The following CCSER1 variants were observed in gnomAD, a reference collection of about 807,000 sequenced individuals.
CCSER1 encodes the protein coiled-coil serine rich protein 1.
CCSER1 carries 41 observed loss-of-function variants against 82.0 expected under a neutral mutation model. That is an observed-to-expected ratio of 0.50 (90% CI 0.39 to 0.65). CCSER1 has a LOEUF of 0.65. Among genes scored for constraint, CCSER1 ranks in the 30% least tolerant of loss-of-function variants. The probability of loss-of-function intolerance (pLI) is 0.00; values close to 1 mark genes in which losing one functional copy is unlikely to be tolerated. For synonymous variants in CCSER1, 414 were observed against 383.9 expected, an observed-to-expected ratio of 1.08 and a Z score of -0.92; for missense variants, 1,119 against 1,064.2, an observed-to-expected ratio of 1.05 and a Z score of -0.72.
At chr4:90,898,216 T>A (rs1243230904) in intron 8 of CCSER1, among the ~76,000 whole-genome samples, 2 of 150,886 alleles carry the variant, frequency 1.3e-5, no homozygotes, top group Admixed American at 1.3e-4. Context: ...TTTCCTAGAT[T>A]TTCTTCTAGG....
chr4:91,058,324 G>C (rs185065095), intron 9 of CCSER1, among the ~76,000 whole-genome samples: 1 of 152,098 alleles, frequency 6.6e-6, no homozygotes, highest in Admixed American at 6.6e-5. Flanking sequence ...AAAACAACAA[G>C]ATAATGTTCT....
At chr4:91,260,738 A>C (rs1741047449) in intron 10 of CCSER1, among the ~76,000 whole-genome samples, 1 of 151,758 alleles carries the variant, frequency 6.6e-6, no homozygotes, top group Non-Finnish European at 1.5e-5. Flanking sequence ...TTACCTAGGA[A>C]GTTTTTTATT....
At chr4:90,596,201 CAT>C (rs572561615) in intron 5 of CCSER1, among the ~76,000 whole-genome samples, 19 of 151,928 alleles carry the variant, frequency 1.3e-4, no homozygotes, top group Middle Eastern at 3.4e-3. Context: ...ACACTAAAAA[CAT>C]GTGTTAAACT....
intron 10 of CCSER1, among the ~76,000 whole-genome samples, chr4:91,486,914 AT>A (rs1758253416): frequency 6.6e-6 from 1 of 152,086 alleles, no homozygotes; most frequent in Admixed American, 6.6e-5. Flanking sequence ...CCATTGTATA[AT>A]GTTAGTATAA....
At chr4:90,897,181 A>G (rs1723838828) in intron 8 of CCSER1, among the ~76,000 whole-genome samples, 1 of 151,802 alleles carries the variant, frequency 6.6e-6, no homozygotes, top group African/African-American at 2.4e-5. Flanking sequence ...GGTTTGTTAC[A>G]TGGGTATATT....
intron 10 of CCSER1, among the ~76,000 whole-genome samples, chr4:91,333,002 A>G (rs1224825118): frequency 6.6e-6 from 1 of 152,064 alleles, no homozygotes; most frequent in Non-Finnish European, 1.5e-5. Flanking sequence ...GAACAAACTT[A>G]ACTCTCATGG....
intron 10 of CCSER1, among the ~76,000 whole-genome samples, chr4:91,266,396 T>C (rs1439018341): frequency 6.6e-6 from 1 of 151,812 alleles, no homozygotes; most frequent in Non-Finnish European, 1.5e-5. Flanking sequence ...GGACTACAGG[T>C]GCCCGCCACC....
chr4:90,671,492 A>C (rs1023641620), intron 6 of CCSER1, among the ~76,000 whole-genome samples: 5 of 152,064 alleles, frequency 3.3e-5, no homozygotes, highest in African/African-American at 1.2e-4. Flanking sequence ...CTCCTCATCT[A>C]TTCAAGTTTT....
intron 10 of CCSER1, among the ~76,000 whole-genome samples, chr4:91,225,957 T>C (rs1028051030): frequency 6.6e-6 from 1 of 151,966 alleles, no homozygotes; most frequent in Non-Finnish European, 1.5e-5. Context: ...ATAAGGGAAG[T>C]AGAAATAATT....
At chr4:90,653,633 C>T (rs1307428294) in intron 6 of CCSER1, among the ~76,000 whole-genome samples, 1 of 151,976 alleles carries the variant, frequency 6.6e-6, no homozygotes, top group Non-Finnish European at 1.5e-5. Flanking sequence ...CCAGTAAATT[C>T]AGCCACCACC....
chr4:90,652,506 G>A (rs1728939641), intron 6 of CCSER1, among the ~76,000 whole-genome samples: 1 of 152,100 alleles, frequency 6.6e-6, no homozygotes, highest in Non-Finnish European at 1.5e-5. Context: ...ATGGCATTTT[G>A]ACATGCTGAA....
At chr4:90,743,777 GA>G (rs1746940502) in intron 7 of CCSER1, among the ~76,000 whole-genome samples, 1 of 152,086 alleles carries the variant, frequency 6.6e-6, no homozygotes, top group Non-Finnish European at 1.5e-5. Flanking sequence ...GAGCTAAGTG[GA>G]AAAATGGAGC....
intron 3 of CCSER1, among the ~76,000 whole-genome samples, chr4:90,322,061 C>T (rs1443031771): frequency 1.3e-5 from 2 of 152,030 alleles, no homozygotes; most frequent in South Asian, 4.1e-4. Context: ...TTTGCCAAGA[C>T]CAATGTCTTG....
chr4:90,307,783 G>A (rs1734581693), intron 1 of CCSER1, among the ~76,000 whole-genome samples: 1 of 152,226 alleles, frequency 6.6e-6, no homozygotes, highest in South Asian at 2.1e-4. Flanking sequence ...TGAGTCGTGT[G>A]GTGTAAAATG....
intron 10 of CCSER1, among the ~76,000 whole-genome samples, chr4:91,310,421 A>G (rs1490183233): frequency 6.6e-6 from 1 of 151,068 alleles, no homozygotes; most frequent in Non-Finnish European, 1.5e-5. Context: ...AAAATCTCAT[A>G]ATGTTTTAAG....
At chr4:91,208,883 T>C (rs1038899301) in intron 10 of CCSER1, among the ~76,000 whole-genome samples, 2 of 152,024 alleles carry the variant, frequency 1.3e-5, no homozygotes, top group African/African-American at 4.8e-5. Context: ...TCATCTCTGA[T>C]TTCTTTGAGC....
intron 6 of CCSER1, among the ~76,000 whole-genome samples, chr4:90,649,951 A>C (rs780075427): frequency 2.0e-5 from 3 of 152,030 alleles, no homozygotes; most frequent in Non-Finnish European, 4.4e-5. Flanking sequence ...CTAAACAAAA[A>C]TTAGCCTGTA....
intron 7 of CCSER1, among the ~76,000 whole-genome samples, chr4:90,786,498 A>C (rs904051956): frequency 3.5e-5 from 4 of 114,114 alleles, no homozygotes; most frequent in Non-Finnish European, 7.4e-5. Flanking sequence ...TTTTACTCAA[A>C]GTTTAGAAAT....
chr4:90,911,959 A>G (rs1014028918), intron 8 of CCSER1, among the ~76,000 whole-genome samples: 24 of 152,224 alleles, frequency 1.6e-4, no homozygotes, highest in Non-Finnish European at 3.4e-4. Flanking sequence ...CTGAAGCTTG[A>G]GTAGGTAAAC....
Sources: allele counts gnomAD v4.1 joint callset (sites outside exome capture counted in the v4.1 genomes callset), GRCh38; gene constraint gnomAD v4.1.1; transcripts MANE v1.5; gene names NCBI Gene and HGNC (gene_info 2026-07-23, HGNC 2026-07-21).